TRIM38: variants seen among roughly 807,000 people sequenced by gnomAD.
TRIM38 encodes E3 ubiquitin-protein ligase TRIM38.
Under a neutral mutation model 35.8 loss-of-function variants are expected in TRIM38, and 35 were observed. The observed-to-expected ratio is 0.98, with a 90% CI of 0.75 to 1.30. The LOEUF (loss-of-function observed/expected upper bound fraction) is 1.30, where lower values mean the gene tolerates loss of function less well. Among genes scored for constraint, TRIM38 ranks in the 50% most tolerant of loss-of-function variants. The pLI, the probability that TRIM38 is intolerant of heterozygous loss-of-function variation, is 0.00. For synonymous variants in TRIM38, 198 were observed against 204.7 expected (o/e 0.97, Z 0.28); for missense variants, 545 against 556.9 (o/e 0.98, Z 0.21).
In TRIM38 at chr6:25,985,215, G is replaced by A. The variant is rs951806777; in HGVS notation, c.*1528G>A. 2.6e-5 allele frequency: 4 copies of A among 151,148 alleles called. No individual in the cohort carries two copies. Among genetic ancestry groups the A allele is most frequent in the African/African-American group, 9.8e-5 (4 of 41,020 alleles). 9.4% of individuals were successfully genotyped at this position (151,148 alleles called of 1,614,324 possible). A position where few individuals can be genotyped will look rare whatever the true frequency, so the allele number is the denominator to read the frequency against. On this transcript the variant is annotated 3_prime_UTR_variant, in exon 8 of 8. Transcript: ENST00000357085. Reference sequence around the variant, plus strand: ...AAATTGTGAAGGTGTCTTCTTACTCGGGGAAGAACAAAAGTTAGTCACCAG... The same window carrying A: ...AAATTGTGAAGGTGTCTTCTTACTCAGGGAAGAACAAAAGTTAGTCACCAG...
In TRIM38 at chr6:25,983,514, C is replaced by G. The variant is rs1024767204; in HGVS notation, c.1225C>G (p.Pro409Ala). 1 of 1,613,998 alleles carries G rather than the reference C, an allele frequency of 6.2e-7. No homozygotes were observed. Among genetic ancestry groups the G allele is most frequent in the Non-Finnish European group, 8.5e-7 (1 of 1,180,038 alleles). ...PPTSLHLHEQ[P>A]LLVGIFLDYE... ...AACTTCCCTTCATCTGCATGAGCAG[C>G]CCCTGCTTGTGGGAATTTTTCTGGA... The change falls in exon 8 of 8, where the codon CCC (proline) becomes GCC (alanine). Residue 409 changes from proline (P) to alanine (A), a missense_variant. Coordinates refer to ENST00000357085, the MANE Select transcript of TRIM38 (RefSeq NM_006355.5).
rs571004276 is a variant in TRIM38 at position 25,987,691 on chromosome 6, G to T, written c.*4004G>T. On this transcript the variant is annotated 3_prime_UTR_variant, in exon 8 of 8. Coordinates refer to ENST00000357085, the MANE Select transcript of TRIM38 (RefSeq NM_006355.5). ...ATTACAATTGAACTTACATTGACAC[G>T]TCATTATCAACGAAAGTCTGTAATT... 1 of 152,134 alleles carries T rather than the reference G, an allele frequency of 6.6e-6. No individual in the cohort carries two copies. Among genetic ancestry groups the T allele is most frequent in the African/African-American group, 2.4e-5 (1 of 41,430 alleles). 9.4% of individuals were successfully genotyped at this position (152,134 alleles called of 1,614,324 possible). A position where few individuals can be genotyped will look rare whatever the true frequency, so the allele number is the denominator to read the frequency against.
intron 2 of TRIM38, among the ~76,000 whole-genome samples, chr6:25,964,110 G>A (rs541903938): frequency 5.3e-5 from 8 of 151,958 alleles, no homozygotes; most frequent in Admixed American, 6.5e-5. Context: ...CAGGCTAATT[G>A]GAGAAAAGGC....
chr6:25,973,299 A>G lies in TRIM38; in HGVS notation c.874+14A>G, dbSNP rs982370015. Reference sequence around the variant, plus strand: ...GGAGTCATCAAGGTATGTTCACTAAAGAATTCCTGAATACTGTGGATAGAA... The same window carrying G: ...GGAGTCATCAAGGTATGTTCACTAAGGAATTCCTGAATACTGTGGATAGAA... On this transcript the variant is annotated intron_variant, in intron 7 of 7. Coordinates refer to ENST00000357085, the MANE Select transcript of TRIM38 (RefSeq NM_006355.5). 2.5e-6 allele frequency: 4 copies of G among 1,611,930 alleles called. No individual in the cohort carries two copies. Among genetic ancestry groups the G allele is most frequent in the African/African-American group, 1.3e-5 (1 of 74,870 alleles).
chr6:25,982,574 C>A (rs1440795393), intron 7 of TRIM38, among the ~76,000 whole-genome samples: 1 of 152,204 alleles, frequency 6.6e-6, no homozygotes, highest in Non-Finnish European at 1.5e-5. Context: ...ATCACCCCAA[C>A]AACTACCACT....
intron 7 of TRIM38, among the ~76,000 whole-genome samples, chr6:25,978,816 A>G (rs1581607625): frequency 6.6e-6 from 1 of 152,208 alleles, no homozygotes; most frequent in South Asian, 2.1e-4. Context: ...ATTGGTGTGC[A>G]CCACAATGCC....
intron 7 of TRIM38, among the ~76,000 whole-genome samples, chr6:25,977,673 A>C (rs1760437137): frequency 2.0e-5 from 3 of 151,894 alleles, no homozygotes; most frequent in Admixed American, 2.0e-4. Context: ...TCTCAAAAAA[A>C]AAAAGAAGAG....
At chr6:25,969,504 G>A (rs1392610569) in intron 4 of TRIM38, 84 bp downstream of exon 4, 1 of 1,151,764 alleles carries the variant, frequency 8.7e-7, no homozygotes, top group South Asian at 1.6e-5. Context: ...AGCACAATGA[G>A]GATTTATTCT....
intron 7 of TRIM38, chr6:25,973,527 T>G (rs1760303830): frequency 9.2e-6 from 9 of 982,366 alleles, no homozygotes; most frequent in Non-Finnish European, 1.1e-5. Flanking sequence ...GCCATGTTAC[T>G]CCAAGTGACT....
intron 5 of TRIM38, among the ~76,000 whole-genome samples, chr6:25,972,552 A>G (rs576714698): frequency 6.6e-6 from 1 of 152,324 alleles, no homozygotes; most frequent in Admixed American, 6.5e-5. Flanking sequence ...AACTAACAGG[A>G]TTGGTGACTA....
Position 25,987,210 on chromosome 6 carries a change from C to CT in TRIM38, c.*3523_*3524insT, listed in dbSNP as rs994286132. 1 of 86,010 alleles carries CT rather than the reference C, an allele frequency of 1.2e-5. No individual in the cohort carries two copies. Among genetic ancestry groups the CT allele is most frequent in the East Asian group, 7.9e-4 (1 of 1,272 alleles). The allele number at this position is 86,010 out of a possible 1,614,324, so 5.3% of individuals were successfully genotyped here. A position where few individuals can be genotyped will look rare whatever the true frequency, so the allele number is the denominator to read the frequency against. On this transcript the variant is annotated 3_prime_UTR_variant, in exon 8 of 8. Transcript: ENST00000357085. ...AGCTTAACAAAGGTACTCCCCGCCC[C>CT]CCGCCCGCCACACACCATCCCCAAA... is the stretch of plus-strand genomic sequence containing the variant.
At chr6:25,978,988 G>A (rs940229874) in intron 7 of TRIM38, among the ~76,000 whole-genome samples, 2 of 151,920 alleles carry the variant, frequency 1.3e-5, no homozygotes, top group Non-Finnish European at 2.9e-5. Context: ...ACACATTTTT[G>A]ATGTAATGTA....
chr6:25,969,415 T>G lies in TRIM38; in HGVS notation c.502T>G (p.Trp168Gly). ...GTCCACAGCAATGCGAATAACTAAA[T>G]GGAAAGTAAGAATCTGACTTCATTG... ...KLSTAMRITK[W>G]KEKVQIQRQK... The change falls in exon 4 of 8, where the codon TGG becomes GGG. Residue 168 changes from tryptophan to glycine, a missense_variant. Transcript: ENST00000357085. The G allele has an allele frequency of 6.2e-7, 1 of 1,606,610 alleles. No homozygotes were observed. Among genetic ancestry groups the G allele is most frequent in the Non-Finnish European group, 8.5e-7 (1 of 1,176,220 alleles).
rs1386001253 is a variant in TRIM38, at chr6:25,985,186, T to G, written c.*1499T>G. ...TCTCCCTATTTGCCTAAAAGCAGGA[T>G]ATGAAATTGTGAAGGTGTCTTCTTA... On this transcript the variant is annotated 3_prime_UTR_variant, in exon 8 of 8. Coordinates refer to ENST00000357085, the MANE Select transcript of TRIM38 (RefSeq NM_006355.5). 1.3e-5 allele frequency: 2 copies of G among 151,190 alleles called. No homozygotes were observed. The highest frequency in any genetic ancestry group is 2.9e-5 in the Non-Finnish European group (2 of 67,952). The allele number at this position is 151,190 out of a possible 1,614,324, so 9.4% of individuals were successfully genotyped here. A position where few individuals can be genotyped will look rare whatever the true frequency, so the allele number is the denominator to read the frequency against.
At chr6:25,980,529 T>C (rs550255210) in intron 7 of TRIM38, among the ~76,000 whole-genome samples, 46 of 152,252 alleles carry the variant, frequency 3.0e-4, no homozygotes, top group South Asian at 6.2e-4. Context: ...CAAGTGATTC[T>C]TGTGCTTCAG....
At chr6:25,981,279 G>A (rs1760537101) in intron 7 of TRIM38, among the ~76,000 whole-genome samples, 1 of 152,242 alleles carries the variant, frequency 6.6e-6, no homozygotes, top group Non-Finnish European at 1.5e-5. Flanking sequence ...CCCATTGGCT[G>A]AACCAAGCCA....
chr6:25,968,563 C>G (rs1445989825), intron 3 of TRIM38, among the ~76,000 whole-genome samples: 1 of 152,200 alleles, frequency 6.6e-6, no homozygotes, highest in Non-Finnish European at 1.5e-5. Context: ...AAAACAGTTA[C>G]ATAGAACCTT....
chr6:25,970,062 C>T lies in TRIM38; in HGVS notation c.507+642C>T, dbSNP rs190516555. 1.4e-3 allele frequency among the ~76,000 whole-genome samples: 212 copies of T among 152,202 alleles called. 2 individuals are homozygous for T. Among genetic ancestry groups the T allele is most frequent in the Non-Finnish European group, 4.6e-4 (31 of 68,018 alleles). On this transcript the variant is annotated intron_variant, in intron 4 of 7. Transcript: ENST00000357085. ...CCTCTTGAGTAGCTGGGATTACAGG[C>T]ATGTGCTACCATGCCTGGCTAATTT...
At chr6:25,968,345 A>T (rs1442507414) in intron 3 of TRIM38, among the ~76,000 whole-genome samples, 2 of 152,140 alleles carry the variant, frequency 1.3e-5, no homozygotes, top group African/African-American at 4.8e-5. Context: ...GTTGAAATTG[A>T]GTTTTGTCAC....
Sources: gnomAD v4.1 joint callset for allele counts (sites outside exome capture counted in the v4.1 genomes callset) on GRCh38, gnomAD v4.1.1 for gene constraint, MANE v1.5 for transcripts, NCBI Gene and HGNC (gene_info 2026-07-23, HGNC 2026-07-21) for gene names.